The following INPP4A variants were observed in gnomAD, a reference collection of about 807,000 sequenced individuals.
The protein encoded by INPP4A is inositol polyphosphate-4-phosphatase type I A, also known as inositol polyphosphate-4-phosphatase, type I, 107kD.
Under a neutral mutation model 119.8 loss-of-function variants are expected in INPP4A, and 33 were observed. The observed-to-expected ratio is 0.28, with a 90% CI of 0.21 to 0.37. INPP4A has a LOEUF of 0.37. Ranked by LOEUF, INPP4A falls within the 10% of genes least tolerant of loss-of-function variation. The pLI, the probability that INPP4A is intolerant of heterozygous loss-of-function variation, is 1.00. For synonymous variants in INPP4A, 496 were observed against 500.7 expected (o/e 0.99, Z 0.12); for missense variants, 956 against 1,289.9 (o/e 0.74, Z 3.97).
rs1691021472 is a variant in INPP4A, at chr2:98,539,683, C to T, written c.818+8C>T. 29 of 1,603,480 alleles carry T rather than the reference C, an allele frequency of 1.8e-5. No individual in the cohort carries two copies. The highest frequency in any genetic ancestry group is 2.4e-5 in the Non-Finnish European group (28 of 1,175,736). On this transcript the variant is annotated splice_region_variant and intron_variant, in intron 10 of 24. Coordinates refer to ENST00000409851, the MANE Select transcript of INPP4A (RefSeq NM_001134225.2). ...AGAGGAAGATGCAGCCAGGTGAGGC[C>T]ACATGGAAGGACTGACTGTCCATCA...
chr2:98,511,262 G>A (rs368350965), intron 1 of INPP4A, among the ~76,000 whole-genome samples: 3 of 152,256 alleles, frequency 2.0e-5, no homozygotes, highest in Admixed American at 6.5e-5. Context: ...GTTTCACCAC[G>A]TTGGCCAAGA....
chr2:98,487,515 AGCCACCATGCCTG>A (rs1679805885), intron 1 of INPP4A, among the ~76,000 whole-genome samples: 1 of 152,182 alleles, frequency 6.6e-6, no homozygotes, highest in South Asian at 2.1e-4. Flanking sequence ...TTCAGGCGTG[AGCCACCATGCCTG>A]GCCTGTCTTA....
intron 1 of INPP4A, among the ~76,000 whole-genome samples, chr2:98,508,575 G>C (rs574556733): frequency 4.7e-4 from 71 of 152,322 alleles, no homozygotes; most frequent in Non-Finnish European, 8.5e-4. Context: ...TTTGATGAGG[G>C]GGTTGAAATA....
rs963423215 is a variant in INPP4A, at chr2:98,591,670, C to A, written c.*4062C>A. ...CTTGGCACAATCTGGCTGCCCAGAT[C>A]TAGGGGAGTTGTCCCAGGGAGGCTT... On this transcript the variant is annotated 3_prime_UTR_variant, in exon 25 of 25. Transcript: ENST00000409851. 3 of 152,188 alleles carry A rather than the reference C, an allele frequency of 2.0e-5. No homozygotes were observed. The highest frequency in any genetic ancestry group is 7.2e-5 in the African/African-American group (3 of 41,420). The allele number at this position is 152,188 out of a possible 1,614,324, so 9.4% of individuals were successfully genotyped here.
intron 1 of INPP4A, among the ~76,000 whole-genome samples, chr2:98,467,878 T>A (rs189252437): frequency 4.1e-4 from 63 of 152,370 alleles, no homozygotes; most frequent in Non-Finnish European, 8.5e-4. Context: ...ATTAACTGTC[T>A]AATAGTTATT....
chr2:98,466,741 A>G (rs745663560), intron 1 of INPP4A, among the ~76,000 whole-genome samples: 7 of 152,162 alleles, frequency 4.6e-5, no homozygotes, highest in South Asian at 2.1e-4. Flanking sequence ...GATGATGTCT[A>G]TCTGTCTTCT....
chr2:98,533,927 T>A (rs1397542129), intron 5 of INPP4A, among the ~76,000 whole-genome samples: 1 of 152,232 alleles, frequency 6.6e-6, no homozygotes, highest in Non-Finnish European at 1.5e-5. Context: ...TTGAGTTTTG[T>A]GTCACATGTT....
Position 98,537,860 on chromosome 2 carries a change from C to T in INPP4A, c.468-3C>T. 6.2e-7 allele frequency: 1 copy of T among 1,603,050 alleles called. No individual in the cohort carries two copies. Among genetic ancestry groups the T allele is most frequent in the East Asian group, 2.2e-5 (1 of 44,674 alleles). ...ACTCATTAAAGCATGTTGTGCATCA[C>T]AGGTCTGCAGAGAGTGACCGTGTAG... is the stretch of plus-strand genomic sequence containing the variant. On this transcript the variant is annotated splice_polypyrimidine_tract_variant and splice_region_variant and intron_variant, in intron 7 of 24. Transcript: ENST00000409851.
chr2:98,577,943 T>C (rs1175386023), intron 24 of INPP4A, among the ~76,000 whole-genome samples: 1 of 152,242 alleles, frequency 6.6e-6, no homozygotes, highest in African/African-American at 2.4e-5. Flanking sequence ...ATTTGTCCTC[T>C]CACCAAATTA....
At chr2:98,496,612 A>T (rs1433396558) in intron 1 of INPP4A, among the ~76,000 whole-genome samples, 1 of 152,178 alleles carries the variant, frequency 6.6e-6, no homozygotes. Context: ...ATATTTGCAA[A>T]CTATACATTA....
In INPP4A at chr2:98,454,962, A is replaced by G. The variant is rs534409872; in HGVS notation, c.-166+9877A>G. Among the ~76,000 whole-genome samples, 29 of 152,340 alleles carry G rather than the reference A, an allele frequency of 1.9e-4. No homozygotes were observed. The South Asian group carries it at 6.0e-3, about 32-fold the overall frequency. The stretch of plus-strand genomic sequence containing the variant: ...TATACAAATGTTAAATGATCACATT[A>G]CATAATTGGGTGATACTCAAATGGC... On this transcript the variant is annotated intron_variant, in intron 1 of 24. Transcript: ENST00000409851.
intron 1 of INPP4A, among the ~76,000 whole-genome samples, chr2:98,486,869 T>C (rs1051953822): frequency 2.0e-5 from 3 of 152,134 alleles, no homozygotes; most frequent in Non-Finnish European, 2.9e-5. Context: ...CAAGGCTGAG[T>C]CTAGAAGCAA....
chr2:98,507,567 A>G (rs943888075), intron 1 of INPP4A, among the ~76,000 whole-genome samples: 1 of 152,130 alleles, frequency 6.6e-6, no homozygotes, highest in African/African-American at 2.4e-5. Context: ...CCATGCTACA[A>G]CGTGACCCCC....
intron 1 of INPP4A, among the ~76,000 whole-genome samples, chr2:98,450,949 T>G (rs1349582530): frequency 2.0e-5 from 3 of 152,182 alleles, no homozygotes; most frequent in Non-Finnish European, 4.4e-5. Flanking sequence ...TTTTGTATTT[T>G]TAGTAGAGAC....
intron 1 of INPP4A, among the ~76,000 whole-genome samples, chr2:98,452,621 T>C (rs1695426082): frequency 6.6e-6 from 1 of 152,130 alleles, no homozygotes; most frequent in Non-Finnish European, 1.5e-5. Flanking sequence ...TGGGGGCCGC[T>C]TTGCTCTCCG....
chr2:98,492,965 T>A (rs566543232), intron 1 of INPP4A, among the ~76,000 whole-genome samples: 1 of 152,320 alleles, frequency 6.6e-6, no homozygotes, highest in Non-Finnish European at 1.5e-5. Context: ...GGAGCCAGTG[T>A]CTCTGTTTTC....
At chr2:98,508,223 G>A (rs1418992299) in intron 1 of INPP4A, among the ~76,000 whole-genome samples, 2 of 152,222 alleles carry the variant, frequency 1.3e-5, no homozygotes, top group Non-Finnish European at 2.9e-5. Context: ...AGGGAAGCAG[G>A]AGCAGGCACC....
chr2:98,516,704 T>G (rs1686188594), intron 1 of INPP4A, among the ~76,000 whole-genome samples: 1 of 152,126 alleles, frequency 6.6e-6, no homozygotes, highest in Admixed American at 6.5e-5. Context: ...CAAGCTGAAG[T>G]CATGCCTGGG....
At chr2:98,516,041 A>G (rs1686065611) in intron 1 of INPP4A, among the ~76,000 whole-genome samples, 1 of 152,174 alleles carries the variant, frequency 6.6e-6, no homozygotes, top group Non-Finnish European at 1.5e-5. Context: ...CCAGCCCCCT[A>G]GACAGCTCCC....
Sources: gnomAD v4.1 joint callset for allele counts (sites outside exome capture counted in the v4.1 genomes callset) on GRCh38, gnomAD v4.1.1 for gene constraint, MANE v1.5 for transcripts, NCBI Gene and HGNC (gene_info 2026-07-23, HGNC 2026-07-21) for gene names.